PSG5: variants seen among roughly 807,000 people sequenced by gnomAD.
PSG5 encodes pregnancy-specific beta-1-glycoprotein 5.
Under a neutral mutation model 37.7 loss-of-function variants are expected in PSG5, and 53 were observed. The observed-to-expected ratio is 1.41, with a 90% CI of 1.13 to 1.77. The LOEUF (loss-of-function observed/expected upper bound fraction) is 1.77, where lower values mean the gene tolerates loss of function less well. PSG5 is among the 40% of genes most tolerant of loss of function. The probability of loss-of-function intolerance (pLI) is 0.00; values close to 1 mark genes in which losing one functional copy is unlikely to be tolerated. For missense variants in PSG5, 547 were observed against 405.2 expected (o/e 1.35, Z -3.00); for synonymous variants, 221 against 155.4 (o/e 1.42, Z -3.14).
chr19:43,177,519 T>A (rs892831164), intron 2 of PSG5, among the ~76,000 whole-genome samples: 1 of 151,146 alleles, frequency 6.6e-6, no homozygotes, highest in African/African-American at 2.4e-5. Context: ...TTTTTTTTTT[T>A]ATCTCACCAC....
Position 43,167,971 on chromosome 19 carries a change from T to C in PSG5, c.*273A>G. 1 of 404,806 alleles carries C rather than the reference T, an allele frequency of 2.5e-6. No individual in the cohort carries two copies. Among genetic ancestry groups the C allele is most frequent in the Non-Finnish European group, 4.5e-6 (1 of 219,874 alleles). 25.1% of individuals were successfully genotyped at this position (404,806 alleles called of 1,614,324 possible). On this transcript the variant is annotated 3_prime_UTR_variant, in exon 6 of 6. Coordinates refer to ENST00000342951, the MANE Select transcript of PSG5 (RefSeq NM_002781.4). ...ATTATGAAAACATTATGCTTTTGATTATTTAGTCCAATAACATGGAGTTTT... is the reference window on the plus strand; with the variant it reads ...ATTATGAAAACATTATGCTTTTGATCATTTAGTCCAATAACATGGAGTTTT...
At chr19:43,170,778 G>T (rs1005407635) in intron 4 of PSG5, 1 of 155,360 alleles carries the variant, frequency 6.4e-6, no homozygotes, top group Non-Finnish European at 1.4e-5. Context: ...TGGTCTGTGG[G>T]TTCTCCCATA....
intron 4 of PSG5, chr19:43,174,622 T>C: frequency 1.0e-6 from 1 of 976,424 alleles, no homozygotes; most frequent in Middle Eastern, 5.2e-4. Flanking sequence ...TGGCTTCAAC[T>C]GGCAGCTCGA....
At chr19:43,186,117 C>T (rs1966933748) in intron 1 of PSG5, among the ~76,000 whole-genome samples, 2 of 151,224 alleles carry the variant, frequency 1.3e-5, no homozygotes, top group Non-Finnish European at 1.5e-5. Flanking sequence ...GCTAGGATTC[C>T]AAGAGCACAC....
Position 43,178,069 on chromosome 19 carries a change from G to A in PSG5, c.431-1921C>T, listed in dbSNP as rs143087488. On this transcript the variant is annotated intron_variant, in intron 2 of 5. Coordinates refer to ENST00000342951, the MANE Select transcript of PSG5 (RefSeq NM_002781.4). ...AAGAATGATCTAGAAAGAGTGAAGGGGAAAGGCAAAAGCTGGTGGTTTTGG... is the reference window on the plus strand; with the variant it reads ...AAGAATGATCTAGAAAGAGTGAAGGAGAAAGGCAAAAGCTGGTGGTTTTGG... 1.7e-3 allele frequency among the ~76,000 whole-genome samples: 255 copies of A among 151,630 alleles called. 3 individuals carry two copies. Among genetic ancestry groups the A allele is most frequent in the African/African-American group, 5.8e-3 (239 of 41,214 alleles).
At position 43,185,053 on chromosome 19, in the gene PSG5, TAGA is replaced by T. The variant is rs764462625; in HGVS notation, c.156_158del (p.Leu54del). 41 of 1,612,448 alleles carry T rather than the reference TAGA, an allele frequency of 2.5e-5. 1 individual carries two copies. The highest frequency in any genetic ancestry group is 3.4e-5 in the Non-Finnish European group (40 of 1,179,156). On this transcript the variant is annotated inframe_deletion, in exon 2 of 6. Transcript: ENST00000342951. ...GATTCTGAGGCAAATTGTGGACAAGTAGAAGAACATCCTTCCCCTCGGAAACTT... is the reference window on the plus strand; with the variant it reads ...GATTCTGAGGCAAATTGTGGACAAGTAGAACATCCTTCCCCTCGGAAACTT...
chr19:43,184,139 A>G (rs564337886), intron 2 of PSG5, among the ~76,000 whole-genome samples: 8 of 151,716 alleles, frequency 5.3e-5, no homozygotes, highest in East Asian at 1.9e-4. Flanking sequence ...AGCCTCCTAA[A>G]GCAGTTGGCT....
chr19:43,183,442 T>A (rs1385619675), intron 2 of PSG5: 1 of 529,730 alleles, frequency 1.9e-6, no homozygotes, highest in East Asian at 5.5e-5. Context: ...TGAGTGTGTG[T>A]CTCTCGCTGG....
intron 4 of PSG5, 51 bp downstream of exon 4, chr19:43,175,164 A>C: frequency 6.2e-7 from 1 of 1,611,734 alleles, no homozygotes; most frequent in Non-Finnish European, 8.5e-7. Flanking sequence ...TCTGAAAGCC[A>C]GGTAGACTCC....
At chr19:43,173,236 C>G (rs557560790) in intron 4 of PSG5, among the ~76,000 whole-genome samples, 1 of 151,524 alleles carries the variant, frequency 6.6e-6, no homozygotes, top group Non-Finnish European at 1.5e-5. Context: ...GATCAAAGAT[C>G]TAAATGTAAG....
chr19:43,179,083 AG>A, intron 2 of PSG5: 1 of 1,611,890 alleles, frequency 6.2e-7, no homozygotes. Context: ...GCAGGATCAC[AG>A]GTTAAGATCA....
chr19:43,185,284 A>C (rs1476405461), intron 1 of PSG5, 137 bp from the exon 2 acceptor site: 15 of 1,228,574 alleles, frequency 1.2e-5, no homozygotes, highest in Non-Finnish European at 1.6e-5. Flanking sequence ...ACACACACAA[A>C]AGGTGCATGT....
At chr19:43,170,481 T>A (rs114120969) in intron 4 of PSG5, 7,286 of 453,698 alleles carry the variant, frequency 0.016, 298 homozygotes, top group African/African-American at 0.077. Context: ...GTCTCTCTGT[T>A]GTGGCAGCCA....
intron 2 of PSG5, among the ~76,000 whole-genome samples, chr19:43,180,028 T>C (rs1054047056): frequency 1.3e-5 from 2 of 151,764 alleles, no homozygotes; most frequent in African/African-American, 4.9e-5. Context: ...CTGGCCCTCA[T>C]GGACCATATG....
At chr19:43,185,317 G>A (rs527721998) in intron 1 of PSG5, among the ~76,000 whole-genome samples, 170 bp from the exon 2 acceptor site, 1 of 151,170 alleles carries the variant, frequency 6.6e-6, no homozygotes, top group East Asian at 1.9e-4. Context: ...GTGTATGTGT[G>A]TGTGTCCTAC....
chr19:43,178,714 G>A (rs1969063319), intron 2 of PSG5, among the ~76,000 whole-genome samples: 1 of 151,614 alleles, frequency 6.6e-6, no homozygotes, highest in Non-Finnish European at 1.5e-5. Flanking sequence ...TGTGGATCAA[G>A]CCTAGGCCTA....
At position 43,175,429 on chromosome 19, in the gene PSG5, A is replaced by G. The variant is rs772669263; in HGVS notation, c.750T>C (p.Tyr250=). Residue 250 remains tyrosine (Y), a synonymous_variant, in exon 4 of 6, where the codon TAT becomes TAC. Coordinates refer to ENST00000342951, the MANE Select transcript of PSG5 (RefSeq NM_002781.4). ...DLPSIYPSFT[Y]YRSGENLYLS... ...AGTAGAGGTTTTCTCCTGAACGGTAATAGGTGAATGAAGGGTAAATGCTGG... is the reference window on the plus strand; with the variant it reads ...AGTAGAGGTTTTCTCCTGAACGGTAGTAGGTGAATGAAGGGTAAATGCTGG... The G allele has an allele frequency of 5.6e-6, 9 of 1,612,570 alleles. No individual in the cohort carries two copies. In the East Asian group the frequency reaches 1.6e-4, roughly 28 times the overall value.
At chr19:43,169,001 C>T (rs1388673862) in intron 5 of PSG5, among the ~76,000 whole-genome samples, 2 of 151,614 alleles carry the variant, frequency 1.3e-5, no homozygotes, top group Non-Finnish European at 2.9e-5. Context: ...TCAGGGAAGA[C>T]TTAAAAATTA....
At position 43,175,408 on chromosome 19, in the gene PSG5, G is replaced by C. The variant is rs1968986443; in HGVS notation, c.771C>G (p.Leu257=). 1 of 1,612,756 alleles carries C rather than the reference G, an allele frequency of 6.2e-7. No individual in the cohort carries two copies. Reference sequence around the variant, plus strand: ...TAGATTCCGCGAAGCAGGACAAGTAGAGGTTTTCTCCTGAACGGTAATAGG... The same window carrying C: ...TAGATTCCGCGAAGCAGGACAAGTACAGGTTTTCTCCTGAACGGTAATAGG... ...SFTYYRSGEN[L]YLSCFAESNP... The change falls in exon 4 of 6, where the codon CTC becomes CTG. Residue 257 remains leucine, a synonymous_variant. Coordinates refer to ENST00000342951, the MANE Select transcript of PSG5 (RefSeq NM_002781.4).
Sources: allele counts gnomAD v4.1 joint callset (sites outside exome capture counted in the v4.1 genomes callset), GRCh38; gene constraint gnomAD v4.1.1; transcripts MANE v1.5; gene names NCBI Gene and HGNC (gene_info 2026-07-23, HGNC 2026-07-21).